ADGRG7: variants seen among roughly 807,000 people sequenced by gnomAD.
The protein encoded by ADGRG7 is G-protein coupled receptor 128.
ADGRG7 carries 82 observed loss-of-function variants against 88.6 expected under a neutral mutation model. The observed-to-expected ratio is 0.93, with a 90% CI of 0.77 to 1.11. The LOEUF is 1.11. Ranked by LOEUF, ADGRG7 falls within the 50% of genes most tolerant of loss-of-function variation. The pLI is 0.00. For synonymous variants in ADGRG7, 381 were observed against 345.2 expected (o/e 1.10, Z -1.15); for missense variants, 945 against 953.4 (o/e 0.99, Z 0.12).
intron 1 of ADGRG7, among the ~76,000 whole-genome samples, chr3:100,617,639 A>T (rs1707244754): frequency 6.6e-6 from 1 of 152,130 alleles, no homozygotes; most frequent in Non-Finnish European, 1.5e-5. Context: ...GTTGGTTCCA[A>T]GTCTTTGCTA....
intron 15 of ADGRG7, among the ~76,000 whole-genome samples, chr3:100,675,816 C>T (rs1022883914): frequency 6.6e-6 from 1 of 152,012 alleles, no homozygotes; most frequent in Non-Finnish European, 1.5e-5. Context: ...TTTTGTATTT[C>T]TTCATGATTC....
At chr3:100,647,333 G>A (rs1279806132) in intron 10 of ADGRG7, among the ~76,000 whole-genome samples, 1 of 152,158 alleles carries the variant, frequency 6.6e-6, no homozygotes, top group Non-Finnish European at 1.5e-5. Flanking sequence ...CACACGTTCT[G>A]AAGCATAAAG....
intron 1 of ADGRG7, among the ~76,000 whole-genome samples, chr3:100,627,973 T>A (rs1707403943): frequency 6.6e-6 from 1 of 152,188 alleles, no homozygotes; most frequent in African/African-American, 2.4e-5. Flanking sequence ...TTTATTTTTT[T>A]AAATCTTTTT....
chr3:100,678,315 G>A (rs1191762971), intron 15 of ADGRG7, among the ~76,000 whole-genome samples: 1 of 151,938 alleles, frequency 6.6e-6, no homozygotes, highest in African/African-American at 2.4e-5. Flanking sequence ...TATTTGATAG[G>A]ATTCTGAATT....
intron 14 of ADGRG7, among the ~76,000 whole-genome samples, chr3:100,662,058 A>G (rs1233370066): frequency 6.6e-6 from 1 of 152,166 alleles, no homozygotes; most frequent in Non-Finnish European, 1.5e-5. Flanking sequence ...TTTTATGAAA[A>G]TATCTATTCA....
At chr3:100,687,492 A>G (rs1299866450) in intron 15 of ADGRG7, among the ~76,000 whole-genome samples, 2 of 152,330 alleles carry the variant, frequency 1.3e-5, no homozygotes, top group East Asian at 1.9e-4. Context: ...TTGCCCATTC[A>G]GTATGATATT....
At chr3:100,620,515 G>A (rs1040760095) in intron 1 of ADGRG7, among the ~76,000 whole-genome samples, 1 of 152,138 alleles carries the variant, frequency 6.6e-6, no homozygotes, top group African/African-American at 2.4e-5. Context: ...GGGATGCCCT[G>A]TGTCACCACT....
chr3:100,618,717 G>A (rs1044287048), intron 1 of ADGRG7, among the ~76,000 whole-genome samples: 4 of 152,036 alleles, frequency 2.6e-5, no homozygotes, highest in Non-Finnish European at 4.4e-5. Context: ...TTTTGGTTCC[G>A]TATGAACTTT....
chr3:100,687,738 T>C (rs1559693433), intron 15 of ADGRG7, among the ~76,000 whole-genome samples: 1 of 152,242 alleles, frequency 6.6e-6, no homozygotes, highest in Non-Finnish European at 1.5e-5. Flanking sequence ...CACTTGATCA[T>C]GGTGGATAAG....
At chr3:100,625,510 A>G (rs1159263527) in intron 1 of ADGRG7, among the ~76,000 whole-genome samples, 1 of 152,134 alleles carries the variant, frequency 6.6e-6, no homozygotes, top group Non-Finnish European at 1.5e-5. Context: ...CTATTTGAAT[A>G]TCCTTTATTT....
At chr3:100,611,435 A>C (rs1203060772) in intron 1 of ADGRG7, among the ~76,000 whole-genome samples, 1 of 152,160 alleles carries the variant, frequency 6.6e-6, no homozygotes, top group African/African-American at 2.4e-5. Flanking sequence ...AAACCATTAA[A>C]AACAAGGACC....
At chr3:100,637,438 T>A in intron 6 of ADGRG7, 36 bp downstream of exon 6, 1 of 1,421,202 alleles carries the variant, frequency 7.0e-7, no homozygotes, top group Non-Finnish European at 9.9e-7. Flanking sequence ...AAAACTTGAC[T>A]AAGGGCTGTT....
At chr3:100,647,695 A>C (rs2149026819) in intron 10 of ADGRG7, among the ~76,000 whole-genome samples, 1 of 65,556 alleles carries the variant, frequency 1.5e-5, no homozygotes, top group East Asian at 6.3e-4. Flanking sequence ...GAAATCTATT[A>C]TTCCGGTGAA....
chr3:100,617,936 T>C (rs530484947), intron 1 of ADGRG7, among the ~76,000 whole-genome samples: 1 of 152,344 alleles, frequency 6.6e-6, no homozygotes, highest in Admixed American at 6.5e-5. Flanking sequence ...TATCTCATTG[T>C]GGTTTTGATT....
Position 100,659,718 on chromosome 3 carries a change from T to C in ADGRG7, c.1854T>C (p.Gly618=). Residue 618 remains glycine (G), a synonymous_variant, in exon 14 of 16, where the codon GGT becomes GGC. Transcript: ENST00000273352. ...GGCTGGCAATTCCAGAACCCAATGG[T>C]GTTATAAAAAGTCCGCTGTTGTGGT... ...ICWLAIPEPN[G]VIKSPLLWSF... is the part of the protein sequence containing the mutation. 1.9e-6 allele frequency: 3 copies of C among 1,613,982 alleles called. No individual in the cohort carries two copies. The highest frequency in any genetic ancestry group is 2.5e-6 in the Non-Finnish European group (3 of 1,179,992).
intron 1 of ADGRG7, among the ~76,000 whole-genome samples, chr3:100,613,697 G>A (rs78220882): frequency 0.025 from 3,755 of 152,192 alleles, 163 homozygotes; most frequent in African/African-American, 0.086. Flanking sequence ...TGAACTAAGG[G>A]GCTAGAATCT....
At chr3:100,635,539 A>C in intron 4 of ADGRG7, 138 bp from the exon 5 acceptor site, 1 of 1,462,768 alleles carries the variant, frequency 6.8e-7, no homozygotes, top group Non-Finnish European at 9.0e-7. Context: ...GAAGGATGCA[A>C]ACGTGGAAAA....
chr3:100,693,044 C>T (rs1324757921), intron 15 of ADGRG7, among the ~76,000 whole-genome samples: 2 of 152,174 alleles, frequency 1.3e-5, no homozygotes, highest in East Asian at 3.8e-4. Context: ...CTTTGTGTTA[C>T]TGGTAGTCAG....
chr3:100,635,458 TTAATCAA>T, intron 4 of ADGRG7: 1 of 1,015,850 alleles, frequency 9.8e-7, no homozygotes, highest in Non-Finnish European at 1.3e-6. Context: ...CCCCTTATAG[TTAATCAA>T]TCCTGTCAAA....
Sources: gnomAD v4.1 joint callset for allele counts (sites outside exome capture counted in the v4.1 genomes callset) on GRCh38, gnomAD v4.1.1 for gene constraint, MANE v1.5 for transcripts, NCBI Gene and HGNC (gene_info 2026-07-23, HGNC 2026-07-21) for gene names.